The following STK40 variants were observed in gnomAD, a reference collection of about 807,000 sequenced individuals.
The protein encoded by STK40 is serine/threonine-protein kinase 40.
A neutral mutation model predicts 47.9 loss-of-function variants in STK40; 13 were observed. That is an observed-to-expected ratio of 0.27 (90% CI 0.18 to 0.43). The LOEUF (loss-of-function observed/expected upper bound fraction) is 0.43, where lower values mean the gene tolerates loss of function less well. Ranked by LOEUF, STK40 falls within the 20% of genes least tolerant of loss-of-function variation. The probability of loss-of-function intolerance (pLI) is 1.00; values close to 1 mark genes in which losing one functional copy is unlikely to be tolerated. For missense variants in STK40, 460 were observed against 595.1 expected (o/e 0.77, Z 2.36); for synonymous variants, 225 against 243.2 (o/e 0.93, Z 0.69).
At position 36,341,865 on chromosome 1, in the gene STK40, G is replaced by T. The variant is rs765322359; in HGVS notation, c.1198C>A (p.Pro400Thr). 5 of 1,613,832 alleles carry T rather than the reference G, an allele frequency of 3.1e-6. No homozygotes were observed. In the African/African-American group the frequency reaches 6.7e-5, roughly 22 times the overall value. The part of the protein sequence containing the change: ...SSIHDARSWV[P>T]KRQFGSAPPV... ...GGTGCGCTGCCGAACTGCCGCTTGG[G>T]TACCCAGCTCCGGGCGTCATGGATG... The change falls in exon 11 of 11, where the codon CCC becomes ACC. Residue 400 changes from proline to threonine, a missense_variant. Transcript: ENST00000373132.
chr1:36,381,200 A>C (rs555757204), intron 1 of STK40, among the ~76,000 whole-genome samples: 1 of 151,662 alleles, frequency 6.6e-6, no homozygotes, highest in East Asian at 1.9e-4. Context: ...TCCCCAACCC[A>C]CTCCATCCTC....
intron 1 of STK40, among the ~76,000 whole-genome samples, chr1:36,379,096 C>T (rs568678906): frequency 3.3e-5 from 5 of 152,318 alleles, no homozygotes; most frequent in African/African-American, 1.2e-4. Flanking sequence ...TGCCAATTCC[C>T]ACTACAATGA....
At chr1:36,364,596 T>C (rs950365432) in intron 1 of STK40, among the ~76,000 whole-genome samples, 10 of 152,142 alleles carry the variant, frequency 6.6e-5, no homozygotes, top group Non-Finnish European at 1.2e-4. Context: ...TTTTAGAAAC[T>C]CTTTCTATGT....
chr1:36,377,518 G>C (rs1243626809), intron 1 of STK40, among the ~76,000 whole-genome samples: 3 of 135,880 alleles, frequency 2.2e-5, no homozygotes, highest in Non-Finnish European at 4.6e-5. Flanking sequence ...GGGCAACAGA[G>C]TGAGACTCCG....
chr1:36,345,993 T>TATATATATATA (rs1255116115), intron 7 of STK40, among the ~76,000 whole-genome samples: 9 of 8,552 alleles, frequency 1.1e-3, no homozygotes, highest in Non-Finnish European at 2.2e-3. Flanking sequence ...ATATATATAT[T>TATATATATATA]TTTTTTTTTT....
intron 10 of STK40, chr1:36,342,716 T>TC (rs1253956661): frequency 6.1e-6 from 1 of 164,282 alleles, no homozygotes; most frequent in Non-Finnish European, 1.3e-5. Context: ...ATTGGAACTC[T>TC]CTTTCCTCGG....
Position 36,358,387 on chromosome 1 carries a change from A to G in STK40, c.199-5T>C, listed in dbSNP as rs1349998183. 3 of 1,588,790 alleles carry G rather than the reference A, an allele frequency of 1.9e-6. No homozygotes were observed. The highest frequency in any genetic ancestry group is 1.7e-4 in the Middle Eastern group (1 of 5,970). On this transcript the variant is annotated splice_polypyrimidine_tract_variant and splice_region_variant and intron_variant, in intron 3 of 10. Coordinates refer to ENST00000373132, the MANE Select transcript of STK40 (RefSeq NM_001282547.2). ...CCTCTCCTCCAGGGTCAGGATCTTT[A>G]GGAAAGCATAAAAATAAAACCAAAA... is the stretch of plus-strand genomic sequence containing the variant.
At chr1:36,363,979 GTC>G (rs1646878636) in intron 1 of STK40, among the ~76,000 whole-genome samples, 1 of 151,270 alleles carries the variant, frequency 6.6e-6, no homozygotes, top group Non-Finnish European at 1.5e-5. Flanking sequence ...GTGAAACCCT[GTC>G]TCTACTAAAA....
intron 1 of STK40, among the ~76,000 whole-genome samples, chr1:36,374,525 T>C (rs939118485): frequency 6.6e-6 from 1 of 152,162 alleles, no homozygotes; most frequent in African/African-American, 2.4e-5. Context: ...CAGGGCAGCA[T>C]TGCCAGCCCT....
rs1570428958 is a variant in STK40 at position 36,341,023 on chromosome 1, G to C, written c.*732C>G. 6.5e-6 allele frequency: 1 copy of C among 152,686 alleles called. No individual in the cohort carries two copies. Among genetic ancestry groups the C allele is most frequent in the African/African-American group, 2.4e-5 (1 of 41,408 alleles). 9.5% of individuals were successfully genotyped at this position (152,686 alleles called of 1,614,324 possible). ...GGCCTCCCATCACCGGCAGCAGAGA[G>C]GGACTGGTGGGCTGAAAGGGGACAG... is the stretch of plus-strand genomic sequence containing the variant. On this transcript the variant is annotated 3_prime_UTR_variant, in exon 11 of 11. Transcript: ENST00000373132.
At chr1:36,373,834 C>A (rs1646969489) in intron 1 of STK40, among the ~76,000 whole-genome samples, 1 of 152,210 alleles carries the variant, frequency 6.6e-6, no homozygotes, top group African/African-American at 2.4e-5. Flanking sequence ...CACTTTATTG[C>A]CTTGGGGGTT....
At chr1:36,376,962 G>A (rs750483433) in intron 1 of STK40, among the ~76,000 whole-genome samples, 5 of 151,696 alleles carry the variant, frequency 3.3e-5, no homozygotes, top group Non-Finnish European at 7.4e-5. Flanking sequence ...TAGTAGAGAC[G>A]GGGTTTCACC....
chr1:36,370,476 G>A (rs1646935801), intron 1 of STK40, among the ~76,000 whole-genome samples: 1 of 152,192 alleles, frequency 6.6e-6, no homozygotes. Context: ...GCCTAACCAT[G>A]CATTTATCTG....
chr1:36,360,650 C>T (rs547168173), intron 2 of STK40, among the ~76,000 whole-genome samples: 39 of 152,092 alleles, frequency 2.6e-4, no homozygotes, highest in Non-Finnish European at 5.0e-4. Context: ...ATCCTCCTGC[C>T]TCAGCCTCCC....
At chr1:36,359,767 G>T (rs540321035) in intron 2 of STK40, among the ~76,000 whole-genome samples, 14 of 152,200 alleles carry the variant, frequency 9.2e-5, no homozygotes, top group Non-Finnish European at 1.9e-4. Context: ...CCAAGGCCTT[G>T]CATGATTCAG....
At chr1:36,354,542 G>A (rs1430524374) in intron 5 of STK40, 126 bp from the exon 6 acceptor site, 1 of 939,646 alleles carries the variant, frequency 1.1e-6, no homozygotes, top group African/African-American at 1.6e-5. Context: ...TGTCTCTTTA[G>A]GCTCCAAGCA....
At chr1:36,346,064 G>A (rs2124726386) in intron 7 of STK40, among the ~76,000 whole-genome samples, 1 of 133,488 alleles carries the variant, frequency 7.5e-6, no homozygotes, top group Non-Finnish European at 1.6e-5. Context: ...GTGAGATCTC[G>A]GCTCACTGCA....
At chr1:36,373,613 G>A (rs968809838) in intron 1 of STK40, among the ~76,000 whole-genome samples, 4 of 152,172 alleles carry the variant, frequency 2.6e-5, no homozygotes, top group African/African-American at 9.7e-5. Context: ...GACAGGCTGG[G>A]GAGGCGGATA....
At chr1:36,362,893 T>C (rs1309853116) in intron 1 of STK40, among the ~76,000 whole-genome samples, 3 of 152,178 alleles carry the variant, frequency 2.0e-5, no homozygotes, top group African/African-American at 7.2e-5. Context: ...ATTGACTCCA[T>C]GCTTTTAATC....
Sources: allele counts gnomAD v4.1 joint callset (sites outside exome capture counted in the v4.1 genomes callset), GRCh38; gene constraint gnomAD v4.1.1; transcripts MANE v1.5; gene names NCBI Gene and HGNC (gene_info 2026-07-23, HGNC 2026-07-21).